The following NDUFAF3 variants were observed in gnomAD, a reference collection of about 807,000 sequenced individuals.
The protein encoded by NDUFAF3 is NADH:ubiquinone oxidoreductase complex assembly factor 3.
Under a neutral mutation model 22.6 loss-of-function variants are expected in NDUFAF3, and 21 were observed. The observed-to-expected ratio is 0.93, with a 90% CI of 0.66 to 1.34. The LOEUF is 1.34. NDUFAF3 is among the 40% of genes most tolerant of loss of function. NDUFAF3 has a pLI of 0.00. For synonymous variants in NDUFAF3, 113 were observed against 104.9 expected, an observed-to-expected ratio of 1.08 and a Z score of -0.47; for missense variants, 251 against 248.4, an observed-to-expected ratio of 1.01 and a Z score of -0.07.
At position 49,023,342 on chromosome 3, in the gene NDUFAF3, A is replaced by T; in HGVS notation, c.*170A>T. ...AGCTGATGGCTCACTGGGCTCTTGG[A>T]GGGGAATGTGAAGAAACCAAGGAGT... is the stretch of plus-strand genomic sequence containing the variant. On this transcript the variant is annotated 3_prime_UTR_variant, in exon 5 of 5. Transcript: ENST00000326925. 1 of 695,182 alleles carries T rather than the reference A, an allele frequency of 1.4e-6. No individual in the cohort carries two copies. The highest frequency in any genetic ancestry group is 2.6e-6 in the Non-Finnish European group (1 of 378,450). 43.1% of individuals were successfully genotyped at this position (695,182 alleles called of 1,614,324 possible). A position where few individuals can be genotyped will look rare whatever the true frequency, so the allele number is the denominator to read the frequency against.
chr3:49,023,128 CCAGGAGGGACTT>C lies in NDUFAF3; in HGVS notation c.514_525del (p.Gly172_Ser175del). ...AACTGGAGCTGCTCTCATCCCTCCA[CCAGGAGGGACTT>C]CACTTACATCTTTGGGCCAAGCTGC... On this transcript the variant is annotated inframe_deletion, in exon 5 of 5. Coordinates refer to ENST00000326925, the MANE Select transcript of NDUFAF3 (RefSeq NM_199069.2). 2 of 1,614,092 alleles carry C rather than the reference CCAGGAGGGACTT, an allele frequency of 1.2e-6. No individual in the cohort carries two copies. Among genetic ancestry groups the C allele is most frequent in the Non-Finnish European group, 1.7e-6 (2 of 1,179,934 alleles).
rs1170097490 is a variant in NDUFAF3 at position 49,023,236 on chromosome 3, A to C, written c.*64A>C. ...CTTCCCAATGCTTTCACTCTTATCTACCCTTTGGCACTTATCTTGCTTATC... is the reference window on the plus strand; with the variant it reads ...CTTCCCAATGCTTTCACTCTTATCTCCCCTTTGGCACTTATCTTGCTTATC... On this transcript the variant is annotated 3_prime_UTR_variant, in exon 5 of 5. Coordinates refer to ENST00000326925, the MANE Select transcript of NDUFAF3 (RefSeq NM_199069.2). The C allele has an allele frequency of 2.6e-6, 3 of 1,158,362 alleles. No individual in the cohort carries two copies. The highest frequency in any genetic ancestry group is 2.6e-6 in the Non-Finnish European group (2 of 766,164). The allele number at this position is 1,158,362 out of a possible 1,614,324, so 71.8% of individuals were successfully genotyped here. A position where few individuals can be genotyped will look rare whatever the true frequency, so the allele number is the denominator to read the frequency against.
chr3:49,022,687 C>T lies in NDUFAF3; in HGVS notation c.271-15C>T, dbSNP rs1256864414. ...CGTGGATTTGTCGTATTAAATGTGC[C>T]TCCTCCCTGCACAGGTGGGATCCCA... On this transcript the variant is annotated splice_polypyrimidine_tract_variant and intron_variant, in intron 2 of 4. Coordinates refer to ENST00000326925, the MANE Select transcript of NDUFAF3 (RefSeq NM_199069.2). This position sits in a 1 kb window ranked among gnomAD's most constrained non-coding sequence, Gnocchi z 6.6. 3 of 1,614,070 alleles carry T rather than the reference C, an allele frequency of 1.9e-6. No individual in the cohort carries two copies. Among genetic ancestry groups the T allele is most frequent in the Non-Finnish European group, 2.5e-6 (3 of 1,180,020 alleles).
chr3:49,020,839 C>T, upstream of NDUFAF3: 1 of 343,374 alleles, frequency 2.9e-6, no homozygotes, highest in South Asian at 2.2e-5. Flanking sequence ...GGGAACAAGA[C>T]GCTCACCTGG....
In NDUFAF3 at chr3:49,022,469, C is replaced by T. The variant is rs202139441; in HGVS notation, c.201C>T (p.Gly67=). 3 of 1,613,188 alleles carry T rather than the reference C, an allele frequency of 1.9e-6. No individual in the cohort carries two copies. The highest frequency in any genetic ancestry group is 1.1e-5 in the South Asian group (1 of 91,086). Reference sequence around the variant, plus strand: ...ACATCGACAGCTACAACAGCCGCGGCTTCATGATAAACGGAAACCGCGTGC... The same window carrying T: ...ACATCGACAGCTACAACAGCCGCGGTTTCATGATAAACGGAAACCGCGTGC... ...AMYIDSYNSR[G]FMINGNRVLG... The change falls in exon 2 of 5, where the codon GGC becomes GGT. Residue 67 remains glycine (G), a synonymous_variant. Transcript: ENST00000326925. The surrounding 1 kb of genome is among the most constrained non-coding windows in gnomAD (Gnocchi z 6.6).
chr3:49,022,125 T>G lies in NDUFAF3; in HGVS notation c.-20T>G, dbSNP rs747614282. The G allele has an allele frequency of 6.2e-7, 1 of 1,603,192 alleles. No individual in the cohort carries two copies. The highest frequency in any genetic ancestry group is 1.7e-5 in the Admixed American group (1 of 59,482). On this transcript the variant is annotated 5_prime_UTR_variant, in exon 1 of 5. Coordinates refer to ENST00000326925, the MANE Select transcript of NDUFAF3 (RefSeq NM_199069.2). The surrounding 1 kb of genome is among the most constrained non-coding windows in gnomAD (Gnocchi z 6.6). ...GGGACTAACGGCGCCGGTGACGACT[T>G]CGCCGCGCGTTGGTCAGCCATGGCC...
rs1575306325 is a variant in NDUFAF3, at chr3:49,023,480, G to A, written c.*308G>A. On this transcript the variant is annotated 3_prime_UTR_variant, in exon 5 of 5. Coordinates refer to ENST00000326925, the MANE Select transcript of NDUFAF3 (RefSeq NM_199069.2). The stretch of plus-strand genomic sequence containing the variant: ...CATGCAGATTTGAGAGGACCTCAAC[G>A]GCTTTTCTCACAAAATCGCTGATTG... 5 of 429,192 alleles carry A rather than the reference G, an allele frequency of 1.2e-5. No individual in the cohort carries two copies. In the East Asian group the frequency reaches 1.5e-4, roughly 13 times the overall value. The allele number at this position is 429,192 out of a possible 1,614,324, so 26.6% of individuals were successfully genotyped here.
chr3:49,021,932 G>C, upstream of NDUFAF3: 1 of 598,114 alleles, frequency 1.7e-6, no homozygotes, highest in South Asian at 2.0e-5. This position sits in a 1 kb window ranked among gnomAD's most constrained non-coding sequence, Gnocchi z 4.1. Context: ...CCCGGGGCGG[G>C]GAGGGCGGCA....
Position 49,022,149 on chromosome 3 carries a change from C to G in NDUFAF3, c.5C>G (p.Ala2Gly), listed in dbSNP as rs776803585. 8 of 1,608,730 alleles carry G rather than the reference C, an allele frequency of 5.0e-6. No individual in the cohort carries two copies. The South Asian group carries it at 7.7e-5, about 15-fold the overall frequency. ...TTCGCCGCGCGTTGGTCAGCCATGG[C>G]CACCGCTCTCGCGCTACGTAGCTTG... MATALALRSLYR... is the reference protein window; with the variant it reads MGTALALRSLYR... The change falls in exon 1 of 5, where the codon GCC becomes GGC. Residue 2 changes from alanine to glycine, a missense_variant. Transcript: ENST00000326925. This position sits in a 1 kb window ranked among gnomAD's most constrained non-coding sequence, Gnocchi z 6.6.
rs1469389739 is a variant in NDUFAF3 at position 49,023,344 on chromosome 3, G to A, written c.*172G>A. On this transcript the variant is annotated 3_prime_UTR_variant, in exon 5 of 5. Coordinates refer to ENST00000326925, the MANE Select transcript of NDUFAF3 (RefSeq NM_199069.2). The stretch of plus-strand genomic sequence containing the variant: ...CTGATGGCTCACTGGGCTCTTGGAG[G>A]GGAATGTGAAGAAACCAAGGAGTCA... 4.3e-6 allele frequency: 3 copies of A among 691,128 alleles called. No homozygotes were observed. The highest frequency in any genetic ancestry group is 8.0e-6 in the Non-Finnish European group (3 of 377,150). The allele number at this position is 691,128 out of a possible 1,614,324, so 42.8% of individuals were successfully genotyped here. A position where few individuals can be genotyped will look rare whatever the true frequency, so the allele number is the denominator to read the frequency against.
At position 49,023,206 on chromosome 3, in the gene NDUFAF3, C is replaced by T. The variant is rs1292039946; in HGVS notation, c.*34C>T. ...GAACTGACCTGCTGACTGCACTCTG[C>T]CAGGCTTCCCAATGCTTTCACTCTT... On this transcript the variant is annotated 3_prime_UTR_variant, in exon 5 of 5. Coordinates refer to ENST00000326925, the MANE Select transcript of NDUFAF3 (RefSeq NM_199069.2). 6.7e-7 allele frequency: 1 copy of T among 1,489,904 alleles called. No individual in the cohort carries two copies. The highest frequency in any genetic ancestry group is 1.1e-5 in the South Asian group (1 of 88,524). The allele number at this position is 1,489,904 out of a possible 1,614,324, so 92.3% of individuals were successfully genotyped here. A position where few individuals can be genotyped will look rare whatever the true frequency, so the allele number is the denominator to read the frequency against.
Position 49,023,218 on chromosome 3 carries a change from ATGCTT to A in NDUFAF3, c.*48_*52del. On this transcript the variant is annotated 3_prime_UTR_variant, in exon 5 of 5. Coordinates refer to ENST00000326925, the MANE Select transcript of NDUFAF3 (RefSeq NM_199069.2). ...TGACTGCACTCTGCCAGGCTTCCCA[ATGCTT>A]TCACTCTTATCTACCCTTTGGCACT... The A allele has an allele frequency of 7.3e-7, 1 of 1,370,850 alleles. No individual in the cohort carries two copies. The highest frequency in any genetic ancestry group is 1.0e-6 in the Non-Finnish European group (1 of 959,224). 84.9% of individuals were successfully genotyped at this position (1,370,850 alleles called of 1,614,324 possible).
At chr3:49,021,496 C>A (rs1219091365), upstream of NDUFAF3, 1 of 154,770 alleles carries the variant, frequency 6.5e-6, no homozygotes, top group African/African-American at 2.4e-5. This position sits in a 1 kb window ranked among gnomAD's most constrained non-coding sequence, Gnocchi z 4.1. Flanking sequence ...CTTGCCCTTC[C>A]GCTTGCTCTG....
In NDUFAF3 at chr3:49,022,544, T is replaced by C; in HGVS notation, c.270+6T>C. Reference sequence around the variant, plus strand: ...ACTCGGTGGTGCAGTGGAACGTGAGTCCTGGCCCGCAGTGTGGAAACTGAG... The same window carrying C: ...ACTCGGTGGTGCAGTGGAACGTGAGCCCTGGCCCGCAGTGTGGAAACTGAG... On this transcript the variant is annotated splice_donor_region_variant and intron_variant, in intron 2 of 4. Coordinates refer to ENST00000326925, the MANE Select transcript of NDUFAF3 (RefSeq NM_199069.2). The surrounding 1 kb of genome is among the most constrained non-coding windows in gnomAD (Gnocchi z 6.6). 6.2e-7 allele frequency: 1 copy of C among 1,612,818 alleles called. No homozygotes were observed. The highest frequency in any genetic ancestry group is 8.5e-7 in the Non-Finnish European group (1 of 1,179,792).
Position 49,022,881 on chromosome 3 carries a change from G to C in NDUFAF3, c.343G>C (p.Val115Leu), listed in dbSNP as rs756387984. 3.5e-5 allele frequency: 57 copies of C among 1,613,878 alleles called. No homozygotes were observed. The highest frequency in any genetic ancestry group is 4.4e-5 in the Non-Finnish European group (52 of 1,180,028). Residue 115 changes from valine (V) to leucine (L), a missense_variant, in exon 4 of 5, where the codon GTG (valine) becomes CTG (leucine). Val to Leu is a conservative substitution (Grantham distance 32). Transcript: ENST00000326925. This position sits in a 1 kb window ranked among gnomAD's most constrained non-coding sequence, Gnocchi z 6.6. ...FWLLEPRIEI[V>L]VVGTGDRTER... ...CCACACCCACCCTTCCCTAGAGATC[G>C]TGGTGGTGGGGACTGGAGACCGGAC...
chr3:49,022,202 C>T lies in NDUFAF3; in HGVS notation c.58C>T (p.Pro20Ser). ...LYRARPSLRC[P>S]PVELPWAPRR... ...CCGAGCGCGACCCTCGCTGCGCTGT[C>T]CGCCCGTTGAGCTTCCCTGGTGAGC... The change falls in exon 1 of 5, where the codon CCG becomes TCG. Residue 20 changes from proline to serine, a missense_variant. By Grantham distance (74) the Pro-to-Ser change is moderately conservative. Coordinates refer to ENST00000326925, the MANE Select transcript of NDUFAF3 (RefSeq NM_199069.2). This position sits in a 1 kb window ranked among gnomAD's most constrained non-coding sequence, Gnocchi z 6.6. 1.2e-6 allele frequency: 2 copies of T among 1,610,984 alleles called. No homozygotes were observed. The highest frequency in any genetic ancestry group is 1.7e-6 in the Non-Finnish European group (2 of 1,179,658).
chr3:49,020,591 C>A, upstream of NDUFAF3: 2 of 475,218 alleles, frequency 4.2e-6, no homozygotes, highest in East Asian at 6.8e-5. Flanking sequence ...GGGTCAGGGG[C>A]ACCCCATCTG....
Position 49,022,657 on chromosome 3 carries a change from G to T in NDUFAF3, c.271-45G>T. 6.2e-7 allele frequency: 1 copy of T among 1,613,668 alleles called. No homozygotes were observed. Among genetic ancestry groups the T allele is most frequent in the Non-Finnish European group, 8.5e-7 (1 of 1,179,684 alleles). On this transcript the variant is annotated intron_variant, in intron 2 of 4. Coordinates refer to ENST00000326925, the MANE Select transcript of NDUFAF3 (RefSeq NM_199069.2). The surrounding 1 kb of genome is among the most constrained non-coding windows in gnomAD (Gnocchi z 6.6). The stretch of plus-strand genomic sequence containing the variant: ...CCTGCAGTGGATGGAGATGGGGAGA[G>T]GCTGCGTGGATTTGTCGTATTAAAT...
chr3:49,023,401 A>C lies in NDUFAF3; in HGVS notation c.*229A>C. 1.7e-6 allele frequency: 1 copy of C among 585,526 alleles called. No homozygotes were observed. Among genetic ancestry groups the C allele is most frequent in the Non-Finnish European group, 3.1e-6 (1 of 325,412 alleles). 36.3% of individuals were successfully genotyped at this position (585,526 alleles called of 1,614,324 possible). On this transcript the variant is annotated 3_prime_UTR_variant, in exon 5 of 5. Coordinates refer to ENST00000326925, the MANE Select transcript of NDUFAF3 (RefSeq NM_199069.2). ...CATCTAGATTACTTAGGATTCCTTGACTTTTCAGAAGTCGGGAAGCAGTAT... is the reference window on the plus strand; with the variant it reads ...CATCTAGATTACTTAGGATTCCTTGCCTTTTCAGAAGTCGGGAAGCAGTAT...
Sources: allele counts gnomAD v4.1 joint callset, GRCh38; gene constraint gnomAD v4.1.1; non-coding constraint Gnocchi (gnomAD v3.1); transcripts MANE v1.5; gene names NCBI Gene and HGNC (gene_info 2026-07-23, HGNC 2026-07-21).